Variants in PHC3 observed in about 807,000 individuals in gnomAD.
PHC3 encodes polyhomeotic homolog 3.
A neutral mutation model predicts 107.4 loss-of-function variants in PHC3; 13 were observed. That is an observed-to-expected ratio of 0.12 (90% CI 0.08 to 0.19). The LOEUF (loss-of-function observed/expected upper bound fraction) is 0.19. PHC3 is among the 10% of genes least tolerant of loss of function. The pLI, the probability that PHC3 is intolerant of heterozygous loss-of-function variation, is 1.00. For synonymous variants in PHC3, 456 were observed against 427.4 expected (o/e 1.07, Z -0.83); for missense variants, 992 against 1,210.9 (o/e 0.82, Z 2.68).
intron 4 of PHC3, chr3:170,170,559 G>A (rs890188364): frequency 6.6e-6 from 1 of 151,400 alleles, no homozygotes; most frequent in African/African-American, 2.4e-5. Flanking sequence ...ATTTTTCTGT[G>A]GCTTCAAAAA....
At chr3:170,124,949 C>T (rs1193684009) in intron 8 of PHC3, among the ~76,000 whole-genome samples, 1 of 152,136 alleles carries the variant, frequency 6.6e-6, no homozygotes, top group Non-Finnish European at 1.5e-5. Context: ...CAAGGCTCCA[C>T]TAAGAATAAA....
intron 4 of PHC3, among the ~76,000 whole-genome samples, chr3:170,163,128 G>A (rs1728161249): frequency 6.6e-6 from 1 of 152,100 alleles, no homozygotes; most frequent in African/African-American, 2.4e-5. Flanking sequence ...GCACCTAGAA[G>A]AGGATTTGGC....
rs542692786 is a variant in PHC3, at chr3:170,093,234, T to A, written c.*3996A>T. 1 of 152,316 alleles carries A rather than the reference T, an allele frequency of 6.6e-6. No homozygotes were observed. The highest frequency in any genetic ancestry group is 1.9e-4 in the East Asian group (1 of 5,176). 9.4% of individuals were successfully genotyped at this position (152,316 alleles called of 1,614,324 possible). A position where few individuals can be genotyped will look rare whatever the true frequency, so the allele number is the denominator to read the frequency against. ...CCTCCCTTCCTAAAGTTAGCCCCCATACGAAATCCTCTCTAAGGATTCTGA... is the reference window on the plus strand; with the variant it reads ...CCTCCCTTCCTAAAGTTAGCCCCCAAACGAAATCCTCTCTAAGGATTCTGA... On this transcript the variant is annotated 3_prime_UTR_variant, in exon 15 of 15. Transcript: ENST00000495893.
At chr3:170,146,609 T>G (rs1171699903) in intron 5 of PHC3, among the ~76,000 whole-genome samples, 5 of 146,954 alleles carry the variant, frequency 3.4e-5, no homozygotes, top group Non-Finnish European at 4.5e-5. Flanking sequence ...CTCAGCTCAC[T>G]GCAACCTCTG....
intron 2 of PHC3, 118 bp downstream of exon 2, chr3:170,178,655 A>C: frequency 7.0e-6 from 8 of 1,136,096 alleles, no homozygotes; most frequent in Non-Finnish European, 1.0e-5. Flanking sequence ...CAGTTGATTG[A>C]AACATTAGTA....
intron 4 of PHC3, among the ~76,000 whole-genome samples, chr3:170,164,677 G>A (rs1728447832): frequency 6.6e-6 from 1 of 152,098 alleles, no homozygotes; most frequent in Admixed American, 6.5e-5. Flanking sequence ...ACATGGTAAT[G>A]AATTCTCTGG....
At chr3:170,161,064 T>C (rs1442960113) in intron 4 of PHC3, among the ~76,000 whole-genome samples, 3 of 152,222 alleles carry the variant, frequency 2.0e-5, no homozygotes, top group Non-Finnish European at 4.4e-5. Context: ...CTACCTACCA[T>C]ACATCTTTCA....
intron 11 of PHC3, among the ~76,000 whole-genome samples, chr3:170,110,498 C>T (rs1717435442): frequency 6.6e-6 from 1 of 152,182 alleles, no homozygotes; most frequent in Non-Finnish European, 1.5e-5. Context: ...CACTTCAAAT[C>T]TCATTTTTAT....
chr3:170,117,217 G>A lies in PHC3; in HGVS notation c.2193+9C>T, dbSNP rs1190994288. On this transcript the variant is annotated intron_variant, in intron 10 of 14. Transcript: ENST00000495893. ...TACAAACACACACACAAATATGCTT[G>A]CTACTTACAGGAAATGGCTCCAATC... 3 of 1,613,764 alleles carry A rather than the reference G, an allele frequency of 1.9e-6. No homozygotes were observed. Among genetic ancestry groups the A allele is most frequent in the Non-Finnish European group, 2.5e-6 (3 of 1,179,828 alleles).
chr3:170,089,929 GAAAAAAA>G lies in PHC3; in HGVS notation c.*7294_*7300del, dbSNP rs1203894075. 2.0e-5 allele frequency: 2 copies of G among 100,706 alleles called. No individual in the cohort carries two copies. Among genetic ancestry groups the G allele is most frequent in the Non-Finnish European group, 4.2e-5 (2 of 47,940 alleles). 6.2% of individuals were successfully genotyped at this position (100,706 alleles called of 1,614,324 possible). ...GAACCCATCTCAAAAAAAAAAAAAA[GAAAAAAA>G]AAAAAAAAGAAAGAAAGTTGCTCAC... On this transcript the variant is annotated 3_prime_UTR_variant, in exon 15 of 15. Coordinates refer to ENST00000495893, the MANE Select transcript of PHC3 (RefSeq NM_024947.4).
chr3:170,164,284 G>A (rs1003614692), intron 4 of PHC3, among the ~76,000 whole-genome samples: 3 of 152,142 alleles, frequency 2.0e-5, no homozygotes, highest in Non-Finnish European at 4.4e-5. Flanking sequence ...AAGGGAAGTA[G>A]TCACTTTTAC....
chr3:170,178,896 C>G lies in PHC3; in HGVS notation c.57G>C (p.Pro19=). The G allele has an allele frequency of 6.2e-7, 1 of 1,613,802 alleles. No individual in the cohort carries two copies. The highest frequency in any genetic ancestry group is 8.5e-7 in the Non-Finnish European group (1 of 1,179,834). Residue 19 remains proline, a synonymous_variant, in exon 2 of 15, where the codon CCG becomes CCC. Transcript: ENST00000495893. ...HSTAMDTEPN[P]GTSSVSTTTS... ...TTGTTGTTGACACAGAAGATGTTCC[C>G]GGGTTTGGTTCAGTATCCATAGCTG... is the stretch of plus-strand genomic sequence containing the variant.
rs1031407647 is a variant in PHC3, at chr3:170,102,684, T to C, written c.2628A>G (p.Glu876=). The stretch of plus-strand genomic sequence containing the variant: ...AATCTTCATGAGAAGCCAAGTCTTC[T>C]TCTGCAGATGGATAAGTAATTGGAA... ...RQLPITYPSA[E]EDLASHEDSV... The change falls in exon 14 of 15, where the codon GAA becomes GAG. Residue 876 remains glutamate, a synonymous_variant. Transcript: ENST00000495893. 1.2e-5 allele frequency: 20 copies of C among 1,613,976 alleles called. No individual in the cohort carries two copies. Among genetic ancestry groups the C allele is most frequent in the Non-Finnish European group, 1.7e-5 (20 of 1,179,862 alleles).
rs941009309 is a variant in PHC3 at position 170,174,197 on chromosome 3, AAAT to A, written c.181-1488_181-1486del. Among the ~76,000 whole-genome samples the A allele has an allele frequency of 1.4e-3, 218 of 152,090 alleles. 2 individuals carry two copies. The highest frequency in any genetic ancestry group is 4.4e-3 in the African/African-American group (184 of 41,530). Reference sequence around the variant, plus strand: ...GACAGAGCAAGACCCCATCTCAAAAAAATAATAATAATAAAATAAAAATAAAAA... The same window carrying A: ...GACAGAGCAAGACCCCATCTCAAAAAAATAATAATAAAATAAAAATAAAAA... On this transcript the variant is annotated intron_variant, in intron 2 of 14. Coordinates refer to ENST00000495893, the MANE Select transcript of PHC3 (RefSeq NM_024947.4).
At chr3:170,126,350 T>C (rs980092703) in intron 8 of PHC3, among the ~76,000 whole-genome samples, 11 of 151,708 alleles carry the variant, frequency 7.3e-5, no homozygotes, top group Admixed American at 5.2e-4. Context: ...AAAGGTAACA[T>C]GGAAACATCC....
intron 4 of PHC3, among the ~76,000 whole-genome samples, chr3:170,155,877 A>ATAATGCC (rs1726816103): frequency 6.6e-6 from 1 of 152,220 alleles, no homozygotes; most frequent in African/African-American, 2.4e-5. Flanking sequence ...GTGTATATAT[A>ATAATGCC]TAATGCCTTC....
chr3:170,128,606 G>A (rs752418590), intron 8 of PHC3, 78 bp downstream of exon 8: 24 of 1,473,252 alleles, frequency 1.6e-5, no homozygotes, highest in Non-Finnish European at 2.1e-5. Flanking sequence ...TTTAGATCTT[G>A]CAATAAAACA....
At chr3:170,162,236 T>C (rs534217047) in intron 4 of PHC3, among the ~76,000 whole-genome samples, 5 of 152,206 alleles carry the variant, frequency 3.3e-5, no homozygotes, top group Admixed American at 6.5e-5. Flanking sequence ...GACATGAATG[T>C]TGAAGGAGCC....
rs1440864140 is a variant in PHC3, at chr3:170,092,641, T to C, written c.*4589A>G. On this transcript the variant is annotated 3_prime_UTR_variant, in exon 15 of 15. Coordinates refer to ENST00000495893, the MANE Select transcript of PHC3 (RefSeq NM_024947.4). ...TACTATCTTAAAATGCCTCTCTTTA[T>C]AACAATCTACAGAGGTGATTCAACT... 1 of 152,218 alleles carries C rather than the reference T, an allele frequency of 6.6e-6. No homozygotes were observed. The highest frequency in any genetic ancestry group is 1.5e-5 in the Non-Finnish European group (1 of 68,036). 9.4% of individuals were successfully genotyped at this position (152,218 alleles called of 1,614,324 possible).
Sources: gnomAD v4.1 joint callset for allele counts (sites outside exome capture counted in the v4.1 genomes callset) on GRCh38, gnomAD v4.1.1 for gene constraint, MANE v1.5 for transcripts, NCBI Gene and HGNC (gene_info 2026-07-23, HGNC 2026-07-21) for gene names.